Variants in MSH3 observed in about 807,000 individuals in gnomAD.
MSH3 encodes DNA mismatch repair protein Msh3.
In MSH3, 106 loss-of-function variants were observed where a neutral mutation model predicts 123.3. The ratio of observed to expected loss-of-function variants is 0.86; its 90% CI spans 0.73 to 1.01. The LOEUF is 1.01. Among genes scored for constraint, MSH3 ranks in the 50% least tolerant of loss-of-function variants. MSH3 has a pLI of 0.00. For missense variants in MSH3, 1,459 were observed against 1,347.6 expected (o/e 1.08, Z -1.29); for synonymous variants, 515 against 481.4 (o/e 1.07, Z -0.91).
At chr5:80,838,832 C>T (rs1263748529) in intron 20 of MSH3, among the ~76,000 whole-genome samples, 1 of 152,156 alleles carries the variant, frequency 6.6e-6, no homozygotes, top group East Asian at 1.9e-4. Flanking sequence ...CTGTTTCTAC[C>T]ATGTTTAGCT....
At chr5:80,810,172 C>CATACATATATAT (rs375421949) in intron 19 of MSH3, among the ~76,000 whole-genome samples, 2 of 121,590 alleles carry the variant, frequency 1.6e-5, no homozygotes, top group African/African-American at 3.2e-5. Context: ...GTTTGACATA[C>CATACATATATAT]ATATATATAT....
chr5:80,680,644 A>G (rs987500150), intron 8 of MSH3, among the ~76,000 whole-genome samples: 1 of 151,974 alleles, frequency 6.6e-6, no homozygotes, highest in Non-Finnish European at 1.5e-5. Context: ...AACATACACA[A>G]AATTATACAG....
chr5:80,814,324 T>C (rs1273808068), intron 20 of MSH3, among the ~76,000 whole-genome samples: 2 of 152,154 alleles, frequency 1.3e-5, no homozygotes, highest in African/African-American at 4.8e-5. Flanking sequence ...TAGGCCAGAG[T>C]GCAATGGCAC....
intron 19 of MSH3, among the ~76,000 whole-genome samples, chr5:80,807,868 G>A (rs1744920823): frequency 6.6e-6 from 1 of 152,280 alleles, no homozygotes. Flanking sequence ...TTGGCATGTG[G>A]GAGGAAACTG....
Position 80,827,263 on chromosome 5 carries a change from C to T in MSH3, c.2813+13522C>T, listed in dbSNP as rs535274255. ...GCGTTGATGAAAAGAGATATTTACT[C>T]GATGTGGCCCATAGCTAACAATTTT... is the stretch of plus-strand genomic sequence containing the variant. On this transcript the variant is annotated intron_variant, in intron 20 of 23. Coordinates refer to ENST00000265081, the MANE Select transcript of MSH3 (RefSeq NM_002439.5). Among the ~76,000 whole-genome samples the T allele has an allele frequency of 5.0e-4, 76 of 152,312 alleles. 1 individual carries two copies. The highest frequency in any genetic ancestry group is 3.9e-3 in the Admixed American group (59 of 15,304).
intron 8 of MSH3, among the ~76,000 whole-genome samples, chr5:80,693,552 T>C (rs923362986): frequency 1.0e-4 from 15 of 149,084 alleles, no homozygotes; most frequent in Non-Finnish European, 1.5e-4. Flanking sequence ...TATGCACATG[T>C]ATGTGTTTAT....
At chr5:80,831,789 A>G (rs1268755044) in intron 20 of MSH3, among the ~76,000 whole-genome samples, 2 of 152,028 alleles carry the variant, frequency 1.3e-5, no homozygotes, top group African/African-American at 4.8e-5. Flanking sequence ...TCAGTTTCAG[A>G]AAGCACACAA....
intron 4 of MSH3, 70 bp from the exon 5 acceptor site, chr5:80,672,174 A>C: frequency 9.1e-7 from 1 of 1,102,742 alleles, no homozygotes. Flanking sequence ...ATTTTTAATA[A>C]AGTGAACCAA....
chr5:80,867,577 G>A lies in MSH3; in HGVS notation c.3130+2635G>A, dbSNP rs532820596. Among the ~76,000 whole-genome samples the A allele has an allele frequency of 3.3e-5, 5 of 152,230 alleles. No homozygotes were observed. The East Asian group carries it at 9.6e-4, about 29-fold the overall frequency. On this transcript the variant is annotated intron_variant, in intron 22 of 23. Coordinates refer to ENST00000265081, the MANE Select transcript of MSH3 (RefSeq NM_002439.5). ...CCAGTCCCCTGAGTTAAATGATTAGGGAGTTAATTCCTTATAAAATCAAGG... is the reference window on the plus strand; with the variant it reads ...CCAGTCCCCTGAGTTAAATGATTAGAGAGTTAATTCCTTATAAAATCAAGG...
At chr5:80,819,446 A>ATGTGTGTGTG (rs35865568) in intron 20 of MSH3, among the ~76,000 whole-genome samples, 489 of 136,772 alleles carry the variant, frequency 3.6e-3, no homozygotes, top group African/African-American at 0.011. Context: ...ATATATGTAT[A>ATGTGTGTGTG]TGTGTGTGTG....
chr5:80,759,775 T>G (rs1288302156), intron 12 of MSH3, among the ~76,000 whole-genome samples: 3 of 152,104 alleles, frequency 2.0e-5, no homozygotes, highest in Non-Finnish European at 2.9e-5. Flanking sequence ...GGACTTAGAC[T>G]ATAGTAGTGG....
intron 20 of MSH3, among the ~76,000 whole-genome samples, chr5:80,829,132 T>G (rs185831416): frequency 6.6e-6 from 1 of 152,214 alleles, no homozygotes; most frequent in African/African-American, 2.4e-5. Flanking sequence ...CAATCACCTC[T>G]TAAATGCCCC....
rs1746250231 is a variant in MSH3 at position 80,873,136 on chromosome 5, G to A, written c.3151G>A (p.Asp1051Asn). The A allele has an allele frequency of 6.2e-7, 1 of 1,613,704 alleles. No homozygotes were observed. The highest frequency in any genetic ancestry group is 8.5e-7 in the Non-Finnish European group (1 of 1,179,708). ...LDPGAAEQVPDFVTFLYQITR... is the reference protein window; with the variant it reads ...LDPGAAEQVPNFVTFLYQITR... ...CACAGGCGCAGCAGAACAAGTCCCT[G>A]ATTTTGTCACCTTCCTTTACCAAAT... Residue 1051 changes from aspartate to asparagine, a missense_variant, in exon 23 of 24, where the codon GAT becomes AAT. Coordinates refer to ENST00000265081, the MANE Select transcript of MSH3 (RefSeq NM_002439.5).
At chr5:80,874,335 A>C (rs1746271203) in intron 23 of MSH3, among the ~76,000 whole-genome samples, 2 of 152,174 alleles carry the variant, frequency 1.3e-5, no homozygotes, top group South Asian at 4.1e-4. Flanking sequence ...ACTGTAGTTC[A>C]CCAAGTCCAG....
At chr5:80,671,064 A>G (rs1749714060) in intron 4 of MSH3, among the ~76,000 whole-genome samples, 1 of 152,088 alleles carries the variant, frequency 6.6e-6, no homozygotes, top group African/African-American at 2.4e-5. Context: ...TGGAGGTTGC[A>G]GTGAGCCGAG....
chr5:80,662,007 A>C (rs1034527615), intron 2 of MSH3, among the ~76,000 whole-genome samples: 6 of 152,236 alleles, frequency 3.9e-5, no homozygotes, highest in Admixed American at 2.0e-4. Context: ...GACAGTAGAC[A>C]TTAGTAACAT....
intron 15 of MSH3, among the ~76,000 whole-genome samples, chr5:80,773,621 G>A (rs887639216): frequency 3.3e-5 from 5 of 152,080 alleles, no homozygotes; most frequent in Non-Finnish European, 1.5e-5. Flanking sequence ...ATACCTGAAG[G>A]TACGTGCATA....
intron 7 of MSH3, among the ~76,000 whole-genome samples, chr5:80,676,138 C>A (rs187094086): frequency 2.0e-5 from 3 of 152,282 alleles, no homozygotes; most frequent in Admixed American, 2.0e-4. Context: ...TCAAGCAATT[C>A]TCCTGCCTCA....
intron 8 of MSH3, among the ~76,000 whole-genome samples, chr5:80,713,985 T>TTTA (rs1750906314): frequency 6.6e-6 from 1 of 152,062 alleles, no homozygotes; most frequent in Non-Finnish European, 1.5e-5. Flanking sequence ...TTCTGCAAGG[T>TTTA]TTATTACCCT....
Sources: allele counts gnomAD v4.1 joint callset (sites outside exome capture counted in the v4.1 genomes callset), GRCh38; gene constraint gnomAD v4.1.1; transcripts MANE v1.5; gene names NCBI Gene and HGNC (gene_info 2026-07-23, HGNC 2026-07-21).